FOS: variants seen among roughly 807,000 people sequenced by gnomAD.
FOS encodes the protein protein c-Fos.
FOS carries 9 observed loss-of-function variants against 27.2 expected under a neutral mutation model. The observed-to-expected ratio is 0.33, with a 90% CI of 0.20 to 0.58. The LOEUF (loss-of-function observed/expected upper bound fraction) is 0.58, where lower values mean the gene tolerates loss of function less well. Among genes scored for constraint, FOS ranks in the 20% least tolerant of loss-of-function variants. The pLI is 0.87. For synonymous variants in FOS, 213 were observed against 205.1 expected, an observed-to-expected ratio of 1.04 and a Z score of -0.33; for missense variants, 405 against 483.5, an observed-to-expected ratio of 0.84 and a Z score of 1.52.
chr14:75,279,264 C>T lies in FOS; in HGVS notation c.141+141C>T, dbSNP rs1049015635. On this transcript the variant is annotated intron_variant, in intron 1 of 3. Coordinates refer to ENST00000303562, the MANE Select transcript of FOS (RefSeq NM_005252.4). The surrounding 1 kb of genome is among the most constrained non-coding windows in gnomAD (Gnocchi z 5.4). ...TGCCGTGGCCGGAGCGGTGCCGGCTCGGGGGCTCGGGACTTGCTCTGAGCG... is the reference window on the plus strand; with the variant it reads ...TGCCGTGGCCGGAGCGGTGCCGGCTTGGGGGCTCGGGACTTGCTCTGAGCG... The T allele has an allele frequency of 5.5e-6, 6 of 1,096,538 alleles. No individual in the cohort carries two copies. The highest frequency in any genetic ancestry group is 2.5e-5 in the East Asian group (1 of 39,746). The allele number at this position is 1,096,538 out of a possible 1,614,324, so 67.9% of individuals were successfully genotyped here.
Position 75,279,334 on chromosome 14 carries a change from C to T in FOS, c.141+211C>T, listed in dbSNP as rs188070394. The stretch of plus-strand genomic sequence containing the variant: ...AAGAATTGGTTCCCCCTTCGGGAGG[C>T]AGGTTCGTTCTGAGCAACCTCTGGT... On this transcript the variant is annotated intron_variant, in intron 1 of 3. Transcript: ENST00000303562. This position sits in a 1 kb window ranked among gnomAD's most constrained non-coding sequence, Gnocchi z 5.4. The T allele has an allele frequency of 5.9e-4, 383 of 649,962 alleles. 4 individuals are homozygous for T. The Admixed American group carries it at 0.011, about 18-fold the overall frequency. 40.3% of individuals were successfully genotyped at this position (649,962 alleles called of 1,614,324 possible).
Position 75,280,833 on chromosome 14 carries a change from C to T in FOS, c.552C>T (p.Ala184=). 1 of 1,614,114 alleles carries T rather than the reference C, an allele frequency of 6.2e-7. No homozygotes were observed. Among genetic ancestry groups the T allele is most frequent in the Non-Finnish European group, 8.5e-7 (1 of 1,180,004 alleles). Residue 184 remains alanine, a synonymous_variant, in exon 4 of 4, where the codon GCC becomes GCT. Transcript: ENST00000303562. ...AGTCTGCTTTGCAGACCGAGATTGC[C>T]AACCTGCTGAAGGAGAAGGAAAAAC... is the stretch of plus-strand genomic sequence containing the variant. The part of the protein sequence containing the change: ...DEKSALQTEI[A]NLLKEKEKLE...
In FOS at chr14:75,281,168, G is replaced by C. The variant is rs749213494; in HGVS notation, c.887G>C (p.Gly296Ala). ...TCCGTGCCAGACATGGACCTATCTG[G>C]GTCCTTCTATGCAGCAGACTGGGAG... ...ARSVPDMDLS[G>A]SFYAADWEPL... is the part of the protein sequence containing the mutation. Residue 296 changes from glycine to alanine, a missense_variant, in exon 4 of 4, where the codon GGG becomes GCG. By Grantham distance (60) the Gly-to-Ala change is moderately conservative. Coordinates refer to ENST00000303562, the MANE Select transcript of FOS (RefSeq NM_005252.4). This position sits in a 1 kb window ranked among gnomAD's most constrained non-coding sequence, Gnocchi z 4.7. 6.2e-7 allele frequency: 1 copy of C among 1,611,620 alleles called. No individual in the cohort carries two copies.
intron 2 of FOS, 183 bp from the exon 3 acceptor site, chr14:75,280,377 C>G (rs1040415781): frequency 1.5e-6 from 1 of 682,578 alleles, no homozygotes; most frequent in Non-Finnish European, 2.5e-6. Context: ...TCTTTGTTCT[C>G]TTGCTGAGGA....
rs138334429 is a variant in FOS, at chr14:75,280,809, G to C, written c.528G>C (p.Lys176Asn). The C allele has an allele frequency of 5.4e-3, 8,751 of 1,614,080 alleles. 42 individuals carry two copies. Among genetic ancestry groups the C allele is most frequent in the Non-Finnish European group, 5.9e-3 (6,911 of 1,179,992 alleles). ...QAETDQLEDEKSALQTEIANL... is the reference protein window; with the variant it reads ...QAETDQLEDENSALQTEIANL... ...AGACAGACCAACTAGAAGATGAGAA[G>C]TCTGCTTTGCAGACCGAGATTGCCA... Residue 176 changes from lysine (K) to asparagine (N), a missense_variant, in exon 4 of 4, where the codon AAG (lysine) becomes AAC (asparagine). Transcript: ENST00000303562.
Position 75,279,827 on chromosome 14 carries a change from G to A in FOS, c.142-50G>A. The A allele has an allele frequency of 6.5e-7, 1 of 1,547,826 alleles. No individual in the cohort carries two copies. The highest frequency in any genetic ancestry group is 8.7e-7 in the Non-Finnish European group (1 of 1,143,638). ...GGCACTGGGAACTCGCCCCACCTGT[G>A]TCCGGAACCTGCTCGCTCACGTCGG... On this transcript the variant is annotated intron_variant, in intron 1 of 3. Coordinates refer to ENST00000303562, the MANE Select transcript of FOS (RefSeq NM_005252.4). This position sits in a 1 kb window ranked among gnomAD's most constrained non-coding sequence, Gnocchi z 5.4.
Position 75,280,684 on chromosome 14 carries a change from T to G in FOS, c.501+17T>G, listed in dbSNP as rs370869680. 10 of 1,569,148 alleles carry G rather than the reference T, an allele frequency of 6.4e-6. No individual in the cohort carries two copies. The African/African-American group carries it at 1.8e-4, about 28-fold the overall frequency. On this transcript the variant is annotated intron_variant, in intron 3 of 3. Coordinates refer to ENST00000303562, the MANE Select transcript of FOS (RefSeq NM_005252.4). ...CTCCAAGCGGTAGGTACTCTGTGGG[T>G]TGCTCCTTTTTAAAACTTAAGGGGA...
At position 75,279,319 on chromosome 14, in the gene FOS, T is replaced by TC; in HGVS notation, c.141+201dup. 4.2e-6 allele frequency: 3 copies of TC among 710,410 alleles called. No homozygotes were observed. Among genetic ancestry groups the TC allele is most frequent in the Middle Eastern group, 3.9e-4 (1 of 2,566 alleles). 44.0% of individuals were successfully genotyped at this position (710,410 alleles called of 1,614,324 possible). A position where few individuals can be genotyped will look rare whatever the true frequency, so the allele number is the denominator to read the frequency against. ...CACGCTTGCCATAGTAAGAATTGGT[T>TC]CCCCCTTCGGGAGGCAGGTTCGTTC... On this transcript the variant is annotated intron_variant, in intron 1 of 3. Transcript: ENST00000303562. The surrounding 1 kb of genome is among the most constrained non-coding windows in gnomAD (Gnocchi z 5.4).
Position 75,281,258 on chromosome 14 carries a change from C to T in FOS, c.977C>T (p.Pro326Leu), listed in dbSNP as rs775787371. The T allele has an allele frequency of 6.2e-6, 10 of 1,612,002 alleles. No individual in the cohort carries two copies. The highest frequency in any genetic ancestry group is 1.3e-5 in the African/African-American group (1 of 75,064). ...ACAGAGCTGGAGCCCCTGTGCACTC[C>T]GGTGGTCACCTGTACTCCCAGCTGC... ...MATELEPLCT[P>L]VVTCTPSCTA... Residue 326 changes from proline (P) to leucine (L), a missense_variant, in exon 4 of 4, where the codon CCG (proline) becomes CTG (leucine). By Grantham distance (98) the Pro-to-Leu change is moderately conservative. Coordinates refer to ENST00000303562, the MANE Select transcript of FOS (RefSeq NM_005252.4). This position sits in a 1 kb window ranked among gnomAD's most constrained non-coding sequence, Gnocchi z 4.7.
At position 75,280,952 on chromosome 14, in the gene FOS, C is replaced by T. The variant is rs1270352847; in HGVS notation, c.671C>T (p.Thr224Ile). The T allele has an allele frequency of 9.3e-6, 15 of 1,614,212 alleles. No individual in the cohort carries two copies. Among genetic ancestry groups the T allele is most frequent in the Non-Finnish European group, 1.2e-5 (14 of 1,180,036 alleles). The change falls in exon 4 of 4, where the codon ACT becomes ATT. Residue 224 changes from threonine (T) to isoleucine (I), a missense_variant. Transcript: ENST00000303562. ...EEMSVASLDLTGGLPEVATPE... is the reference protein window; with the variant it reads ...EEMSVASLDLIGGLPEVATPE... ...ATGTCTGTGGCTTCCCTTGATCTGACTGGGGGCCTGCCAGAGGTTGCCACC... is the reference window on the plus strand; with the variant it reads ...ATGTCTGTGGCTTCCCTTGATCTGATTGGGGGCCTGCCAGAGGTTGCCACC...
Position 75,281,145 on chromosome 14 carries a change from C to G in FOS, c.864C>G (p.Ser288=), listed in dbSNP as rs756919460. Residue 288 remains serine, a synonymous_variant, in exon 4 of 4, where the codon TCC becomes TCG. Coordinates refer to ENST00000303562, the MANE Select transcript of FOS (RefSeq NM_005252.4). This position sits in a 1 kb window ranked among gnomAD's most constrained non-coding sequence, Gnocchi z 4.7. The stretch of plus-strand genomic sequence containing the variant: ...CCAGTGGCTCTGAGACAGCCCGCTC[C>G]GTGCCAGACATGGACCTATCTGGGT... ...SRPSGSETAR[S]VPDMDLSGSF... The G allele has an allele frequency of 2.5e-6, 4 of 1,610,230 alleles. No homozygotes were observed. The East Asian group carries it at 8.9e-5, about 36-fold the overall frequency.
Position 75,279,152 on chromosome 14 carries a change from C to A in FOS, c.141+29C>A, listed in dbSNP as rs778844237. ...AGGCTGGCTTCCCGTCGCCGCGGGG[C>A]CGGGGGCTTGGGGTCGCGGAGGAGG... On this transcript the variant is annotated intron_variant, in intron 1 of 3. Transcript: ENST00000303562. The surrounding 1 kb of genome is among the most constrained non-coding windows in gnomAD (Gnocchi z 5.4). 2.5e-6 allele frequency: 4 copies of A among 1,610,058 alleles called. No individual in the cohort carries two copies. Among genetic ancestry groups the A allele is most frequent in the Non-Finnish European group, 3.4e-6 (4 of 1,179,700 alleles).
At chr14:75,280,431 C>A in intron 2 of FOS, 129 bp from the exon 3 acceptor site, 1 of 756,584 alleles carries the variant, frequency 1.3e-6, no homozygotes, top group Non-Finnish European at 2.2e-6. Context: ...AACTGCAGGT[C>A]AGAAATGGTT....
At position 75,279,157 on chromosome 14, in the gene FOS, G is replaced by C. The variant is rs747907578; in HGVS notation, c.141+34G>C. The C allele has an allele frequency of 6.2e-7, 1 of 1,609,324 alleles. No individual in the cohort carries two copies. The highest frequency in any genetic ancestry group is 1.7e-5 in the Admixed American group (1 of 59,954). On this transcript the variant is annotated intron_variant, in intron 1 of 3. Coordinates refer to ENST00000303562, the MANE Select transcript of FOS (RefSeq NM_005252.4). This position sits in a 1 kb window ranked among gnomAD's most constrained non-coding sequence, Gnocchi z 5.4. ...GGCTTCCCGTCGCCGCGGGGCCGGG[G>C]GCTTGGGGTCGCGGAGGAGGAGACA...
rs1228895087 is a variant in FOS at position 75,278,952 on chromosome 14, G to C, written c.-31G>C. ...AGCGCCCACCTGTCTCCGCCCCTCG[G>C]CCCCTCGCCCGGCTTTGCCTAACCG... On this transcript the variant is annotated 5_prime_UTR_variant, in exon 1 of 4. Coordinates refer to ENST00000303562, the MANE Select transcript of FOS (RefSeq NM_005252.4). This position sits in a 1 kb window ranked among gnomAD's most constrained non-coding sequence, Gnocchi z 4.1. 3 of 1,612,126 alleles carry C rather than the reference G, an allele frequency of 1.9e-6. No homozygotes were observed. Among genetic ancestry groups the C allele is most frequent in the Non-Finnish European group, 2.5e-6 (3 of 1,179,574 alleles).
At position 75,279,509 on chromosome 14, in the gene FOS, G is replaced by A. The variant is rs909645032; in HGVS notation, c.142-368G>A. The A allele has an allele frequency of 2.3e-5, 10 of 441,490 alleles. No homozygotes were observed. In the Admixed American group the frequency reaches 3.8e-4, roughly 17 times the overall value. 27.3% of individuals were successfully genotyped at this position (441,490 alleles called of 1,614,324 possible). A position where few individuals can be genotyped will look rare whatever the true frequency, so the allele number is the denominator to read the frequency against. Reference sequence around the variant, plus strand: ...CCTGGAGCACGGAGGAGGGATGAGGGAGGAGGGTGCAGCGGGCGGGTGTGT... The same window carrying A: ...CCTGGAGCACGGAGGAGGGATGAGGAAGGAGGGTGCAGCGGGCGGGTGTGT... On this transcript the variant is annotated intron_variant, in intron 1 of 3. Coordinates refer to ENST00000303562, the MANE Select transcript of FOS (RefSeq NM_005252.4). This position sits in a 1 kb window ranked among gnomAD's most constrained non-coding sequence, Gnocchi z 5.4.
Position 75,281,001 on chromosome 14 carries a change from C to G in FOS, c.720C>G (p.Thr240=). Residue 240 remains threonine (T), a synonymous_variant, in exon 4 of 4, where the codon ACC becomes ACG. Transcript: ENST00000303562. The surrounding 1 kb of genome is among the most constrained non-coding windows in gnomAD (Gnocchi z 4.7). ...CCCCGGAGTCTGAGGAGGCCTTCAC[C>G]CTGCCTCTCCTCAATGACCCTGAGC... ...VATPESEEAF[T]LPLLNDPEPK... 2 of 1,614,080 alleles carry G rather than the reference C, an allele frequency of 1.2e-6. No individual in the cohort carries two copies. Among genetic ancestry groups the G allele is most frequent in the African/African-American group, 2.7e-5 (2 of 75,028 alleles).
In FOS at chr14:75,281,021, C is replaced by T; in HGVS notation, c.740C>T (p.Pro247Leu). Residue 247 changes from proline to leucine, a missense_variant, in exon 4 of 4, where the codon CCT (proline) becomes CTT (leucine). Coordinates refer to ENST00000303562, the MANE Select transcript of FOS (RefSeq NM_005252.4). The surrounding 1 kb of genome is among the most constrained non-coding windows in gnomAD (Gnocchi z 4.7). ...TTCACCCTGCCTCTCCTCAATGACC[C>T]TGAGCCCAAGCCCTCAGTGGAACCT... ...EAFTLPLLND[P>L]EPKPSVEPVK... 1 of 1,613,976 alleles carries T rather than the reference C, an allele frequency of 6.2e-7. No homozygotes were observed. The highest frequency in any genetic ancestry group is 2.2e-5 in the East Asian group (1 of 44,880).
Position 75,280,832 on chromosome 14 carries a change from C to G in FOS, c.551C>G (p.Ala184Gly), listed in dbSNP as rs1331267096. ...DEKSALQTEI[A>G]NLLKEKEKLE... ...AAGTCTGCTTTGCAGACCGAGATTG[C>G]CAACCTGCTGAAGGAGAAGGAAAAA... Residue 184 changes from alanine to glycine, a missense_variant, in exon 4 of 4, where the codon GCC (alanine) becomes GGC (glycine). Coordinates refer to ENST00000303562, the MANE Select transcript of FOS (RefSeq NM_005252.4). 1 of 1,614,106 alleles carries G rather than the reference C, an allele frequency of 6.2e-7. No individual in the cohort carries two copies. The highest frequency in any genetic ancestry group is 1.3e-5 in the African/African-American group (1 of 75,034).
Sources: allele counts gnomAD v4.1 joint callset, GRCh38; gene constraint gnomAD v4.1.1; non-coding constraint Gnocchi (gnomAD v3.1); transcripts MANE v1.5; gene names NCBI Gene and HGNC (gene_info 2026-07-23, HGNC 2026-07-21).